Variants in USP34 observed in about 807,000 individuals in gnomAD.
USP34 encodes ubiquitin specific peptidase 34.
In USP34, 70 loss-of-function variants were observed where a neutral mutation model predicts 460.3. The observed-to-expected ratio is 0.15, with a 90% CI of 0.13 to 0.19. The LOEUF (loss-of-function observed/expected upper bound fraction) is 0.19. Ranked by LOEUF, USP34 falls within the 10% of genes least tolerant of loss-of-function variation. USP34 has a pLI of 1.00. For missense variants in USP34, 3,985 were observed against 4,236.2 expected, an observed-to-expected ratio of 0.94 and a Z score of 1.65; for synonymous variants, 1,647 against 1,405.3, an observed-to-expected ratio of 1.17 and a Z score of -3.85.
chr2:61,450,019 T>C (rs1391985032), intron 1 of USP34, among the ~76,000 whole-genome samples: 1 of 152,040 alleles, frequency 6.6e-6, no homozygotes, highest in East Asian at 1.9e-4. Flanking sequence ...TGAACAAAGT[T>C]CATGCCACTG....
At chr2:61,347,386 C>T (rs570476481) in intron 15 of USP34, among the ~76,000 whole-genome samples, 4 of 152,036 alleles carry the variant, frequency 2.6e-5, no homozygotes, top group African/African-American at 4.8e-5. Context: ...TGTTGTTCAA[C>T]GTTTTGCTTT....
intron 10 of USP34, among the ~76,000 whole-genome samples, chr2:61,360,602 A>G (rs1222980266): frequency 2.0e-5 from 3 of 152,224 alleles, no homozygotes; most frequent in Non-Finnish European, 2.9e-5. Flanking sequence ...AATATCATTA[A>G]AAGTCCATAC....
At chr2:61,238,772 G>A (rs1317133492) in intron 53 of USP34, among the ~76,000 whole-genome samples, 3 of 152,086 alleles carry the variant, frequency 2.0e-5, no homozygotes, top group African/African-American at 7.2e-5. Flanking sequence ...ATTTTCTAAT[G>A]TACAGGCATA....
intron 1 of USP34, among the ~76,000 whole-genome samples, chr2:61,470,018 A>C (rs1415954540): frequency 6.6e-6 from 1 of 152,244 alleles, no homozygotes; most frequent in Non-Finnish European, 1.5e-5. Flanking sequence ...GTACCATTAA[A>C]GCGGTGAATG....
chr2:61,334,806 A>G (rs1255327984), intron 18 of USP34, among the ~76,000 whole-genome samples: 1 of 152,024 alleles, frequency 6.6e-6, no homozygotes, highest in Non-Finnish European at 1.5e-5. Flanking sequence ...TAGAAATAAG[A>G]CTCATCTTCC....
At chr2:61,288,006 C>T (rs1010812896) in intron 34 of USP34, among the ~76,000 whole-genome samples, 4 of 152,176 alleles carry the variant, frequency 2.6e-5, no homozygotes, top group Non-Finnish European at 5.9e-5. Context: ...GTCTAGGATA[C>T]TTGAGAGACT....
rs986059482 is a variant in USP34 at position 61,394,839 on chromosome 2, A to G, written c.753+14T>C. 2.6e-6 allele frequency: 4 copies of G among 1,520,934 alleles called. No individual in the cohort carries two copies. In the African/African-American group the frequency reaches 5.7e-5, roughly 22 times the overall value. 94.2% of individuals were successfully genotyped at this position (1,520,934 alleles called of 1,614,324 possible). Reference sequence around the variant, plus strand: ...TTGCTCCCAAAATTAAGATCAATTCAAAACAATACTTACATTAGACACAAC... The same window carrying G: ...TTGCTCCCAAAATTAAGATCAATTCGAAACAATACTTACATTAGACACAAC... On this transcript the variant is annotated intron_variant, in intron 5 of 79. Transcript: ENST00000398571.
chr2:61,300,342 C>T (rs1373375930), intron 29 of USP34, among the ~76,000 whole-genome samples: 2 of 152,054 alleles, frequency 1.3e-5, no homozygotes, highest in East Asian at 3.9e-4. Flanking sequence ...GCACACGGCA[C>T]CATGCCCAGC....
intron 2 of USP34, among the ~76,000 whole-genome samples, chr2:61,411,788 C>T (rs143932563): frequency 2.8e-3 from 419 of 152,238 alleles, no homozygotes; most frequent in African/African-American, 9.4e-3. Context: ...ACCACAGAGG[C>T]CTTCAAATTC....
intron 9 of USP34, 40 bp downstream of exon 9, chr2:61,370,458 C>A: frequency 6.2e-7 from 1 of 1,612,936 alleles, no homozygotes; most frequent in Non-Finnish European, 8.5e-7. Flanking sequence ...ATATTCTTCT[C>A]TATCAATAGA....
At position 61,204,559 on chromosome 2, in the gene USP34, A is replaced by G; in HGVS notation, c.9197T>C (p.Leu3066Pro). 6.2e-7 allele frequency: 1 copy of G among 1,614,162 alleles called. No individual in the cohort carries two copies. Among genetic ancestry groups the G allele is most frequent in the African/African-American group, 1.3e-5 (1 of 75,072 alleles). ...ELVLLSPHDF[L>P]HTLVPFLQHN... ...TTGTAGAAAGGGAACCAGAGTATGAAGAAAATCATGGGGACTCAAAAGTAC... is the reference window on the plus strand; with the variant it reads ...TTGTAGAAAGGGAACCAGAGTATGAGGAAAATCATGGGGACTCAAAAGTAC... Residue 3066 changes from leucine to proline, a missense_variant, in exon 73 of 80, where the codon CTT becomes CCT. Transcript: ENST00000398571.
At chr2:61,308,548 C>T (rs1690485027) in intron 27 of USP34, among the ~76,000 whole-genome samples, 2 of 152,080 alleles carry the variant, frequency 1.3e-5, no homozygotes, top group African/African-American at 2.4e-5. Context: ...TGATAAAATA[C>T]AATACAAGAA....
At position 61,227,861 on chromosome 2, in the gene USP34, T is replaced by C. The variant is rs190446504; in HGVS notation, c.7444-643A>G. Among the ~76,000 whole-genome samples the C allele has an allele frequency of 1.6e-4, 25 of 152,076 alleles. 2 individuals carry two copies. The highest frequency in any genetic ancestry group is 1.5e-3 in the East Asian group (8 of 5,176). On this transcript the variant is annotated intron_variant, in intron 61 of 79. Transcript: ENST00000398571. ...GATAAAAATTGCAAGTATGATAAAA[T>C]AGTATTTCCTATTTAATAAAAATGC...
In USP34 at chr2:61,211,894, A is replaced by G. The variant is rs1422040681; in HGVS notation, c.8718T>C (p.Phe2906=). The G allele has an allele frequency of 2.5e-6, 4 of 1,609,424 alleles. No individual in the cohort carries two copies. The highest frequency in any genetic ancestry group is 1.3e-5 in the African/African-American group (1 of 74,618). The change falls in exon 69 of 80, where the codon TTT becomes TTC. Residue 2906 remains phenylalanine (F), a synonymous_variant. Transcript: ENST00000398571. ...CTCTCATATCTGGCCTCTGAGCTAT[A>G]AACAGCTGCATCAGGTTAAACAGTT... The part of the protein sequence containing the change: ...VEELFNLMQL[F]IAQRPDMREE...
intron 29 of USP34, among the ~76,000 whole-genome samples, chr2:61,298,537 CAAAAAAAAAAAAAAAAAAAA>C (rs57087400): frequency 3.5e-5 from 1 of 28,280 alleles, no homozygotes; most frequent in Non-Finnish European, 5.4e-5. Flanking sequence ...GACTCTGTCT[CAAAAAAAAAAAAAAAAAAAA>C]AAAAAAAAAA....
chr2:61,238,964 C>G (rs1178048936), intron 53 of USP34, among the ~76,000 whole-genome samples: 1 of 151,116 alleles, frequency 6.6e-6, no homozygotes, highest in Non-Finnish European at 1.5e-5. Flanking sequence ...ACATTTTCAT[C>G]ATTATTATAT....
intron 1 of USP34, among the ~76,000 whole-genome samples, chr2:61,452,918 A>G (rs906881248): frequency 9.0e-6 from 1 of 111,324 alleles, no homozygotes; most frequent in African/African-American, 3.2e-5. Flanking sequence ...AAAAAAAAAA[A>G]AAAAAAAAAC....
At chr2:61,212,311 T>C (rs1336880690) in intron 68 of USP34, among the ~76,000 whole-genome samples, 1 of 152,224 alleles carries the variant, frequency 6.6e-6, no homozygotes, top group Non-Finnish European at 1.5e-5. Context: ...ATACAATTCA[T>C]TTTTAGTCTT....
At chr2:61,352,304 AC>A in intron 10 of USP34, among the ~76,000 whole-genome samples, 1 of 152,074 alleles carries the variant, frequency 6.6e-6, no homozygotes, top group Middle Eastern at 3.4e-3. Context: ...ACACATATAT[AC>A]ATGTTTATAT....
Sources: gnomAD v4.1 joint callset for allele counts (sites outside exome capture counted in the v4.1 genomes callset) on GRCh38, gnomAD v4.1.1 for gene constraint, MANE v1.5 for transcripts, NCBI Gene and HGNC (gene_info 2026-07-23, HGNC 2026-07-21) for gene names.